Variants in EYS observed in about 807,000 individuals in gnomAD.
The protein encoded by EYS is protein eyes shut homolog.
Under a neutral mutation model 282.1 loss-of-function variants are expected in EYS, and 250 were observed. The observed-to-expected ratio is 0.89, with a 90% CI of 0.80 to 0.98. The LOEUF (loss-of-function observed/expected upper bound fraction) is 0.98, where lower values mean the gene tolerates loss of function less well. EYS is among the 50% of genes least tolerant of loss of function. The probability of loss-of-function intolerance (pLI) is 0.00; values close to 1 mark genes in which losing one functional copy is unlikely to be tolerated. For synonymous variants in EYS, 1,355 were observed against 1,282.9 expected, an observed-to-expected ratio of 1.06 and a Z score of -1.20; for missense variants, 4,016 against 3,709.0, an observed-to-expected ratio of 1.08 and a Z score of -2.15.
chr6:63,763,373 G>A (rs1371862525), intron 40 of EYS, among the ~76,000 whole-genome samples: 1 of 151,980 alleles, frequency 6.6e-6, no homozygotes, highest in Non-Finnish European at 1.5e-5. Context: ...AAAATGCAGA[G>A]CATCTAGTTA....
In EYS at chr6:64,294,249, C is replaced by T. The variant is rs541762148; in HGVS notation, c.6191+12721G>A. ...TGGTGAATCAGTTTCTCTGTCAATG[C>T]TATGTTAAGAACTATTGCTAGATTT... On this transcript the variant is annotated intron_variant, in intron 30 of 42. Coordinates refer to ENST00000503581, the MANE Select transcript of EYS (RefSeq NM_001142800.2). 4.6e-5 allele frequency among the ~76,000 whole-genome samples: 7 copies of T among 152,204 alleles called. No individual in the cohort carries two copies. In the East Asian group the frequency reaches 7.7e-4, roughly 17 times the overall value.
At chr6:63,932,463 G>A (rs983378407) in intron 35 of EYS, among the ~76,000 whole-genome samples, 1 of 152,000 alleles carries the variant, frequency 6.6e-6, no homozygotes, top group Non-Finnish European at 1.5e-5. Flanking sequence ...TCTAGCATTC[G>A]TGTTACCTGG....
chr6:64,584,677 G>A (rs1241557615), intron 26 of EYS, among the ~76,000 whole-genome samples: 1 of 151,952 alleles, frequency 6.6e-6, no homozygotes, highest in Non-Finnish European at 1.5e-5. Flanking sequence ...ACTGCATATA[G>A]TTTTTATTTG....
chr6:65,148,310 A>T (rs1487865997), intron 12 of EYS, among the ~76,000 whole-genome samples: 1 of 152,142 alleles, frequency 6.6e-6, no homozygotes, highest in African/African-American at 2.4e-5. Context: ...TTGTGTAAAC[A>T]CACCTATTCC....
chr6:65,365,012 A>AT (rs1764861451), intron 8 of EYS, among the ~76,000 whole-genome samples: 1 of 151,550 alleles, frequency 6.6e-6, no homozygotes, highest in Non-Finnish European at 1.5e-5. Context: ...TGTCAAAAGG[A>AT]TTTTTTTGTG....
At chr6:64,276,500 T>C (rs139814161) in intron 30 of EYS, among the ~76,000 whole-genome samples, 291 of 152,320 alleles carry the variant, frequency 1.9e-3, no homozygotes, top group African/African-American at 6.7e-3. Context: ...TGAGGGATAC[T>C]GCTACTCTGA....
In EYS at chr6:63,762,567, T is replaced by G; in HGVS notation, c.7965A>C (p.Glu2655Asp). Residue 2655 changes from glutamate (E) to aspartate (D), a missense_variant, in exon 41 of 43, where the codon GAA (glutamate) becomes GAC (aspartate). By Grantham distance (45) the Glu-to-Asp change is conservative. Transcript: ENST00000503581. ...TGCTACAGTGGTGTGGAGGGTCATG[T>G]TCAGGATCACAGGTAGAAACTGTCT... ...CTETVSTCDPEHDPPHHCSRG... is the reference protein window; with the variant it reads ...CTETVSTCDPDHDPPHHCSRG... The G allele has an allele frequency of 6.4e-7, 1 of 1,550,502 alleles. No homozygotes were observed. The highest frequency in any genetic ancestry group is 8.7e-7 in the Non-Finnish European group (1 of 1,146,166).
chr6:65,383,753 A>G (rs956371279), intron 8 of EYS, among the ~76,000 whole-genome samples: 53 of 151,876 alleles, frequency 3.5e-4, no homozygotes, highest in African/African-American at 1.2e-3. Context: ...TGTAAGTATT[A>G]ATACATATAG....
intron 12 of EYS, among the ~76,000 whole-genome samples, chr6:65,122,204 T>C (rs532555728): frequency 2.6e-5 from 4 of 152,228 alleles, no homozygotes; most frequent in African/African-American, 9.6e-5. Flanking sequence ...CAGAATAACA[T>C]ATGCACAGAA....
Position 65,306,832 on chromosome 6 carries a change from C to CAAAAAAAAAAAAAAAAAAAAAAAAAAA in EYS, c.1767-10740_1767-10714dup, listed in dbSNP as rs201743269. On this transcript the variant is annotated intron_variant, in intron 11 of 42. Coordinates refer to ENST00000503581, the MANE Select transcript of EYS (RefSeq NM_001142800.2). ...TGGGCAGCAGAGCAAGAGTCCGTCT[C>CAAAAAAAAAAAAAAAAAAAAAAAAAAA]AAAAAAAAAAAAAAAAAAAAAAAAA... 1.3e-3 allele frequency among the ~76,000 whole-genome samples: 67 copies of CAAAAAAAAAAAAAAAAAAAAAAAAAAA among 51,750 alleles called. 2 individuals are homozygous for CAAAAAAAAAAAAAAAAAAAAAAAAAAA. The highest frequency in any genetic ancestry group is 1.9e-3 in the Admixed American group (7 of 3,674). The allele number at this position is 51,750 out of a possible 152,430, so 34.0% of individuals were successfully genotyped here.
intron 37 of EYS, among the ~76,000 whole-genome samples, chr6:63,790,663 CAGTT>C (rs1770487490): frequency 6.6e-6 from 1 of 152,130 alleles, no homozygotes; most frequent in Admixed American, 6.5e-5. Context: ...TTCAGGAAGG[CAGTT>C]AGAAAGGCAG....
At chr6:65,223,741 G>A (rs1406584443) in intron 12 of EYS, among the ~76,000 whole-genome samples, 1 of 152,132 alleles carries the variant, frequency 6.6e-6, no homozygotes, top group Non-Finnish European at 1.5e-5. Flanking sequence ...TACCATCCAG[G>A]TCAAGTAGCA....
intron 1 of EYS, among the ~76,000 whole-genome samples, chr6:65,654,559 T>C (rs1330217216): frequency 1.3e-5 from 2 of 151,812 alleles, no homozygotes; most frequent in African/African-American, 2.4e-5. Flanking sequence ...TCAAAACTGA[T>C]AGATATCAGA....
intron 28 of EYS, among the ~76,000 whole-genome samples, chr6:64,411,242 G>A (rs778911622): frequency 6.6e-6 from 1 of 151,970 alleles, no homozygotes; most frequent in Non-Finnish European, 1.5e-5. Flanking sequence ...AAGTTAGAGA[G>A]AAAATGATTA....
intron 35 of EYS, 128 bp from the exon 36 acceptor site, chr6:63,864,486 C>G: frequency 6.0e-6 from 3 of 500,944 alleles, no homozygotes; most frequent in Non-Finnish European, 8.6e-6. Flanking sequence ...TAATAAGTGA[C>G]TTTTTTCTCC....
chr6:65,284,622 G>A (rs1438336202), intron 12 of EYS, among the ~76,000 whole-genome samples: 4 of 151,846 alleles, frequency 2.6e-5, no homozygotes, highest in African/African-American at 9.7e-5. Context: ...TTCATTTTTG[G>A]TGTATAAATA....
intron 15 of EYS, among the ~76,000 whole-genome samples, chr6:64,927,793 T>C (rs1172075633): frequency 6.6e-6 from 1 of 152,092 alleles, no homozygotes; most frequent in Non-Finnish European, 1.5e-5. Flanking sequence ...AATTAAAAGT[T>C]TCTATGAAAC....
chr6:65,355,451 T>C (rs1168286778), intron 8 of EYS, among the ~76,000 whole-genome samples: 2 of 151,992 alleles, frequency 1.3e-5, no homozygotes, highest in Non-Finnish European at 2.9e-5. Context: ...TACAAGCAAC[T>C]AAAACAAAAG....
intron 8 of EYS, among the ~76,000 whole-genome samples, chr6:65,364,944 T>C (rs1387448077): frequency 1.3e-5 from 2 of 151,684 alleles, no homozygotes; most frequent in African/African-American, 2.4e-5. Flanking sequence ...ACATTTTTGG[T>C]ACAATTGCAT....
Sources: gnomAD v4.1 joint callset for allele counts (sites outside exome capture counted in the v4.1 genomes callset) on GRCh38, gnomAD v4.1.1 for gene constraint, MANE v1.5 for transcripts, NCBI Gene and HGNC (gene_info 2026-07-23, HGNC 2026-07-21) for gene names.